Variants in ROCK1 observed in about 807,000 individuals in gnomAD.
ROCK1 encodes rho-associated protein kinase 1.
In ROCK1, 36 loss-of-function variants were observed where a neutral mutation model predicts 196.8. The ratio of observed to expected loss-of-function variants is 0.18; its 90% CI spans 0.14 to 0.24. The LOEUF is 0.24. ROCK1 is among the 10% of genes least tolerant of loss of function. ROCK1 has a pLI of 1.00. For missense variants in ROCK1, 920 were observed against 1,562.0 expected (o/e 0.59, Z 6.93); for synonymous variants, 443 against 515.9 (o/e 0.86, Z 1.91).
chr18:21,004,418 T>G (rs2035751903), intron 16 of ROCK1, among the ~76,000 whole-genome samples: 1 of 152,214 alleles, frequency 6.6e-6, no homozygotes, highest in South Asian at 2.1e-4. Context: ...TTTATATGTA[T>G]GTTGAAACTC....
At chr18:21,076,623 A>G (rs997516454) in intron 1 of ROCK1, among the ~76,000 whole-genome samples, 2 of 151,858 alleles carry the variant, frequency 1.3e-5, no homozygotes, top group African/African-American at 4.8e-5. Context: ...CATGTTGGCC[A>G]GGTTGGACTA....
At chr18:21,093,257 C>T (rs1028467017) in intron 1 of ROCK1, among the ~76,000 whole-genome samples, 3 of 152,158 alleles carry the variant, frequency 2.0e-5, no homozygotes, top group Admixed American at 6.5e-5. Flanking sequence ...GTGGACAACA[C>T]CAAAGAAGCC....
intron 4 of ROCK1, among the ~76,000 whole-genome samples, chr18:21,046,905 A>G (rs2036165479): frequency 6.6e-6 from 1 of 152,102 alleles, no homozygotes; most frequent in Non-Finnish European, 1.5e-5. Flanking sequence ...CCTGCCCTCA[A>G]GTGATCTTCC....
chr18:20,969,792 T>G (rs528207593), intron 23 of ROCK1, among the ~76,000 whole-genome samples: 4 of 152,290 alleles, frequency 2.6e-5, no homozygotes, highest in Admixed American at 2.6e-4. Flanking sequence ...ATATAACTTC[T>G]TAGGGGCAAA....
At chr18:21,022,918 G>A (rs1445058889) in intron 11 of ROCK1, among the ~76,000 whole-genome samples, 3 of 151,934 alleles carry the variant, frequency 2.0e-5, no homozygotes, top group Non-Finnish European at 4.4e-5. Flanking sequence ...TAAACACGAA[G>A]GAAATTTTAA....
chr18:20,955,379 A>C, intron 29 of ROCK1, 134 bp from the exon 30 acceptor site: 4 of 984,140 alleles, frequency 4.1e-6, no homozygotes, highest in Non-Finnish European at 4.4e-6. Flanking sequence ...GAGAAATGCA[A>C]ATTAAAACCA....
chr18:21,097,728 T>C (rs1598562237), intron 1 of ROCK1, among the ~76,000 whole-genome samples: 1 of 152,224 alleles, frequency 6.6e-6, no homozygotes, highest in South Asian at 2.1e-4. Context: ...CTACTAAATG[T>C]TGTGAACTCT....
At chr18:21,072,377 C>T (rs1178030732) in intron 1 of ROCK1, among the ~76,000 whole-genome samples, 1 of 152,112 alleles carries the variant, frequency 6.6e-6, no homozygotes, top group Non-Finnish European at 1.5e-5. Flanking sequence ...TCTAACTTAA[C>T]CAAAGCATAT....
chr18:20,966,437 A>T (rs2035374949), intron 27 of ROCK1, among the ~76,000 whole-genome samples: 1 of 152,118 alleles, frequency 6.6e-6, no homozygotes, highest in African/African-American at 2.4e-5. Flanking sequence ...CCCAAACTTA[A>T]AACTTAGCAA....
At chr18:21,073,137 T>C (rs1172850356) in intron 1 of ROCK1, among the ~76,000 whole-genome samples, 1 of 88,934 alleles carries the variant, frequency 1.1e-5, no homozygotes, top group South Asian at 4.0e-4. Flanking sequence ...GAGGGGCCAA[T>C]CAATGTCAAA....
At position 21,030,902 on chromosome 18, in the gene ROCK1, G is replaced by A. The variant is rs150133021; in HGVS notation, c.1052-1967C>T. The stretch of plus-strand genomic sequence containing the variant: ...ACCATTGAGTTGGCAAAAACGACCA[G>A]AGCAACTTTCTGAGAACTCTGGAAT... On this transcript the variant is annotated intron_variant, in intron 9 of 32. Transcript: ENST00000399799. 1.0e-3 allele frequency among the ~76,000 whole-genome samples: 158 copies of A among 152,248 alleles called. 1 individual carries two copies. Among genetic ancestry groups the A allele is most frequent in the African/African-American group, 3.6e-3 (148 of 41,544 alleles).
At position 21,035,673 on chromosome 18, in the gene ROCK1, G is replaced by C. The variant is rs76350781; in HGVS notation, c.1051+3799C>G. ...ATTCTACTGTTTGTTATTCACAATA[G>C]CTAAAAGAGATAGCAATCTTAAGTG... On this transcript the variant is annotated intron_variant, in intron 9 of 32. Coordinates refer to ENST00000399799, the MANE Select transcript of ROCK1 (RefSeq NM_005406.3). Among the ~76,000 whole-genome samples, 60 of 152,230 alleles carry C rather than the reference G, an allele frequency of 3.9e-4. No homozygotes were observed. In the East Asian group the frequency reaches 9.8e-3, roughly 25 times the overall value.
intron 1 of ROCK1, among the ~76,000 whole-genome samples, chr18:21,086,407 C>A (rs112763730): frequency 0.16 from 23,961 of 152,068 alleles, 3,820 homozygotes; most frequent in African/African-American, 0.4. Context: ...CCACCGCGCC[C>A]AGCCTGAAAA....
chr18:20,957,862 G>T (rs2035260782), intron 29 of ROCK1, among the ~76,000 whole-genome samples: 1 of 151,770 alleles, frequency 6.6e-6, no homozygotes, highest in African/African-American at 2.4e-5. Flanking sequence ...TGTTGCCCAG[G>T]CTGGTCTCAA....
intron 9 of ROCK1, among the ~76,000 whole-genome samples, chr18:21,030,696 C>T (rs1375059581): frequency 2.0e-5 from 3 of 152,158 alleles, no homozygotes; most frequent in Admixed American, 1.3e-4. Context: ...CATTTAATCA[C>T]TTCAGAACTA....
intron 13 of ROCK1, among the ~76,000 whole-genome samples, chr18:21,009,333 TTAACTC>T (rs2035797132): frequency 6.6e-6 from 1 of 151,802 alleles, no homozygotes; most frequent in Non-Finnish European, 1.5e-5. Flanking sequence ...TTTTTTTTTT[TTAACTC>T]AACATAAAGA....
chr18:21,017,738 C>T (rs1293778694), intron 12 of ROCK1, among the ~76,000 whole-genome samples: 1 of 151,164 alleles, frequency 6.6e-6, no homozygotes, highest in Non-Finnish European at 1.5e-5. Flanking sequence ...TTTGGGAGGC[C>T]GAGGTGGGCG....
At chr18:21,008,377 G>T (rs1170036562) in intron 13 of ROCK1, among the ~76,000 whole-genome samples, 183 bp from the exon 14 acceptor site, 2 of 152,136 alleles carry the variant, frequency 1.3e-5, no homozygotes, top group South Asian at 4.1e-4. Flanking sequence ...TGCCTTTTAA[G>T]AAGACAGTGG....
chr18:21,050,204 T>C (rs1200604898), intron 2 of ROCK1, among the ~76,000 whole-genome samples: 1 of 152,124 alleles, frequency 6.6e-6, no homozygotes, highest in Non-Finnish European at 1.5e-5. Context: ...CCTGGTATTT[T>C]AAGTACACAT....
Sources: gnomAD v4.1 joint callset for allele counts (sites outside exome capture counted in the v4.1 genomes callset) on GRCh38, gnomAD v4.1.1 for gene constraint, MANE v1.5 for transcripts, NCBI Gene and HGNC (gene_info 2026-07-23, HGNC 2026-07-21) for gene names.